Variants in ATP2B2 observed in about 807,000 individuals in gnomAD.
ATP2B2 encodes the protein ATPase plasma membrane Ca2+ transporting 2, also known as plasma membrane calcium-transporting ATPase 2.
Under a neutral mutation model 120.0 loss-of-function variants are expected in ATP2B2, and 15 were observed. The ratio of observed to expected loss-of-function variants is 0.12; its 90% CI spans 0.08 to 0.19. The LOEUF is 0.19. Among genes scored for constraint, ATP2B2 ranks in the 10% least tolerant of loss-of-function variants. The probability of loss-of-function intolerance (pLI) is 1.00; values close to 1 mark genes in which losing one functional copy is unlikely to be tolerated. For missense variants in ATP2B2, 1,045 were observed against 1,719.8 expected, an observed-to-expected ratio of 0.61 and a Z score of 6.94; for synonymous variants, 694 against 700.3, an observed-to-expected ratio of 0.99 and a Z score of 0.14.
intron 12 of ATP2B2, among the ~76,000 whole-genome samples, 165 bp downstream of exon 12, chr3:10,371,644 A>G (rs1168698517): frequency 6.6e-6 from 1 of 152,226 alleles, no homozygotes; most frequent in Non-Finnish European, 1.5e-5. Flanking sequence ...TAGCAATATT[A>G]ATAGTATATT....
intron 3 of ATP2B2, among the ~76,000 whole-genome samples, chr3:10,528,767 C>T (rs185742406): frequency 1.2e-4 from 18 of 152,344 alleles, no homozygotes; most frequent in East Asian, 9.6e-4. Flanking sequence ...GTCAACCTAG[C>T]GACTTCCTTC....
chr3:10,688,443 A>G (rs2071576950), intron 1 of ATP2B2, among the ~76,000 whole-genome samples: 1 of 152,164 alleles, frequency 6.6e-6, no homozygotes, highest in Non-Finnish European at 1.5e-5. Flanking sequence ...GTCTTACTTC[A>G]TTCAACATGT....
At chr3:10,498,208 G>A (rs952451980) in intron 1 of ATP2B2, among the ~76,000 whole-genome samples, 4 of 152,220 alleles carry the variant, frequency 2.6e-5, no homozygotes, top group African/African-American at 9.6e-5. Context: ...TTTGACAGTG[G>A]AGGGAACGGA....
intron 8 of ATP2B2, among the ~76,000 whole-genome samples, chr3:10,384,111 G>T (rs544209764): frequency 6.6e-6 from 1 of 152,206 alleles, no homozygotes; most frequent in African/African-American, 2.4e-5. Context: ...GGCACTGCTC[G>T]CAGAAGTGCC....
At chr3:10,550,960 T>C (rs537487045) in intron 2 of ATP2B2, among the ~76,000 whole-genome samples, 114 of 152,250 alleles carry the variant, frequency 7.5e-4, no homozygotes, top group Non-Finnish European at 2.9e-4. Context: ...TGTGGCTGAA[T>C]GGTACAGTCT....
At position 10,340,466 on chromosome 3, in the gene ATP2B2, G is replaced by C; in HGVS notation, c.3129+27C>G. ...TCCAGCCGCTTGCTGCCCACCCCGG[G>C]CCTGGTTAGGGTGGGGGCCTCACTA... is the stretch of plus-strand genomic sequence containing the variant. On this transcript the variant is annotated intron_variant, in intron 20 of 22. Transcript: ENST00000360273. This position sits in a 1 kb window ranked among gnomAD's most constrained non-coding sequence, Gnocchi z 5.0. 6.2e-7 allele frequency: 1 copy of C among 1,614,002 alleles called. No homozygotes were observed. Among genetic ancestry groups the C allele is most frequent in the African/African-American group, 1.3e-5 (1 of 75,052 alleles).
At chr3:10,494,869 C>G (rs2125380606) in intron 1 of ATP2B2, among the ~76,000 whole-genome samples, 1 of 152,326 alleles carries the variant, frequency 6.6e-6, no homozygotes, top group South Asian at 2.1e-4. Context: ...CCCCCCAAGA[C>G]AGAGGTCAAA....
intron 16 of ATP2B2, 48 bp downstream of exon 16, chr3:10,350,064 T>C (rs1258441044): frequency 1.3e-6 from 2 of 1,583,300 alleles, no homozygotes; most frequent in African/African-American, 2.7e-5. Context: ...GCCCAGCTTC[T>C]GGCCTGGTGC....
rs1210559412 is a variant in ATP2B2 at position 10,534,908 on chromosome 3, T to G, written c.-414-775A>C. Among the ~76,000 whole-genome samples, 909 of 139,418 alleles carry G rather than the reference T, an allele frequency of 6.5e-3. 7 individuals are homozygous for G. Among genetic ancestry groups the G allele is most frequent in the African/African-American group, 0.023 (867 of 37,448 alleles). The allele number at this position is 139,418 out of a possible 152,430, so 91.5% of individuals were successfully genotyped here. A position where few individuals can be genotyped will look rare whatever the true frequency, so the allele number is the denominator to read the frequency against. ...TTATTCATTTATTTGGTTTTTTTTT[T>G]TTTTTTTTTTTTTGAGATGGAGTCT... On this transcript the variant is annotated intron_variant, in intron 2 of 21. Coordinates refer to the ATP2B2 transcript ENST00000646379.
chr3:10,553,496 A>G (rs2067712051), intron 2 of ATP2B2, among the ~76,000 whole-genome samples: 1 of 152,248 alleles, frequency 6.6e-6, no homozygotes, highest in Non-Finnish European at 1.5e-5. Flanking sequence ...CTTGAGAATG[A>G]AAACGCCTCT....
intron 1 of ATP2B2, among the ~76,000 whole-genome samples, chr3:10,660,344 C>T (rs2070747036): frequency 6.6e-6 from 1 of 152,036 alleles, no homozygotes; most frequent in South Asian, 2.1e-4. Context: ...AATTGATAGA[C>T]TTCTAGCAAG....
intron 22 of ATP2B2, chr3:10,331,992 T>C (rs1428979852): frequency 6.4e-7 from 1 of 1,550,412 alleles, no homozygotes; most frequent in Admixed American, 2.0e-5. Context: ...CCTCTTTTAA[T>C]TTCACTCTCT....
chr3:10,619,104 GGATC>G (rs989714022), intron 2 of ATP2B2, among the ~76,000 whole-genome samples: 8 of 152,146 alleles, frequency 5.3e-5, no homozygotes, highest in African/African-American at 1.9e-4. Flanking sequence ...CACTGGCAGG[GGATC>G]CTCTGTGGCC....
At chr3:10,334,383 C>G (rs1242527559) in intron 22 of ATP2B2, among the ~76,000 whole-genome samples, 8 of 152,158 alleles carry the variant, frequency 5.3e-5, no homozygotes, top group Admixed American at 5.2e-4. Context: ...GTTACCGCAC[C>G]TCAGGATAGG....
At chr3:10,528,343 C>T (rs1263199611) in intron 3 of ATP2B2, among the ~76,000 whole-genome samples, 1 of 152,126 alleles carries the variant, frequency 6.6e-6, no homozygotes, top group Non-Finnish European at 1.5e-5. Context: ...CCAAACAGCA[C>T]AGAATCTTGC....
intron 1 of ATP2B2, among the ~76,000 whole-genome samples, chr3:10,639,561 C>T (rs1201605420): frequency 6.6e-6 from 1 of 152,166 alleles, no homozygotes; most frequent in African/African-American, 2.4e-5. Flanking sequence ...CCCCAAGGCC[C>T]CACCTCCTAA....
At chr3:10,568,345 CAGG>C (rs2125540542) in intron 2 of ATP2B2, among the ~76,000 whole-genome samples, 1 of 152,282 alleles carries the variant, frequency 6.6e-6, no homozygotes, top group Non-Finnish European at 1.5e-5. Context: ...CATGAGTGTC[CAGG>C]AGGTTTTCAA....
intron 21 of ATP2B2, among the ~76,000 whole-genome samples, 168 bp from the exon 22 acceptor site, chr3:10,338,526 CTTTTTTTTTT>C (rs34558372): frequency 3.4e-5 from 3 of 88,448 alleles, no homozygotes; most frequent in African/African-American, 1.6e-4. Context: ...TTGACAATGT[CTTTTTTTTTT>C]TTTTTTTTTT....
rs1172449396 is a variant in ATP2B2, at chr3:10,324,960, C to T, written c.*3854G>A. 1 of 152,242 alleles carries T rather than the reference C, an allele frequency of 6.6e-6. No individual in the cohort carries two copies. Among genetic ancestry groups the T allele is most frequent in the African/African-American group, 2.4e-5 (1 of 41,448 alleles). The allele number at this position is 152,242 out of a possible 1,614,324, so 9.4% of individuals were successfully genotyped here. A position where few individuals can be genotyped will look rare whatever the true frequency, so the allele number is the denominator to read the frequency against. ...CCAGGGACAGATGGCGGGTCCACCC[C>T]AACACAACCAAGGTGGGTGACTTTG... On this transcript the variant is annotated 3_prime_UTR_variant, in exon 23 of 23. Transcript: ENST00000360273.
Sources: gnomAD v4.1 joint callset for allele counts (sites outside exome capture counted in the v4.1 genomes callset) on GRCh38, gnomAD v4.1.1 for gene constraint, Gnocchi (gnomAD v3.1) non-coding constraint, MANE v1.5 for transcripts, NCBI Gene and HGNC (gene_info 2026-07-23, HGNC 2026-07-21) for gene names.